DOK5: variants seen among roughly 807,000 people sequenced by gnomAD.
DOK5 encodes downstream of tyrosine kinase 5.
In DOK5, 27 loss-of-function variants were observed where a neutral mutation model predicts 43.3. The ratio of observed to expected loss-of-function variants is 0.62; its 90% CI spans 0.46 to 0.86. The LOEUF is 0.86. DOK5 is among the 40% of genes least tolerant of loss of function. The pLI is 0.00. For missense variants in DOK5, 373 were observed against 392.9 expected, an observed-to-expected ratio of 0.95 and a Z score of 0.43; for synonymous variants, 146 against 140.1, an observed-to-expected ratio of 1.04 and a Z score of -0.30.
At chr20:54,550,154 T>A (rs141941441) in intron 1 of DOK5, among the ~76,000 whole-genome samples, 193 of 148,234 alleles carry the variant, frequency 1.3e-3, no homozygotes, top group African/African-American at 4.7e-3. Flanking sequence ...CTCACTCTGG[T>A]CGTTAATTAG....
intron 7 of DOK5, among the ~76,000 whole-genome samples, chr20:54,646,954 G>A (rs931549910): frequency 6.6e-6 from 1 of 151,494 alleles, no homozygotes; most frequent in Non-Finnish European, 1.5e-5. Flanking sequence ...GACCCTTAAG[G>A]AGGAATTTAA....
Position 54,623,460 on chromosome 20 carries a change from A to G in DOK5, c.735+12937A>G, listed in dbSNP as rs143612753. On this transcript the variant is annotated intron_variant, in intron 6 of 7. Transcript: ENST00000262593. ...TCACATCATATGTAATAAGTGGGTGATACTAATGTCTCTGCCTGGTTTTGT... is the reference window on the plus strand; with the variant it reads ...TCACATCATATGTAATAAGTGGGTGGTACTAATGTCTCTGCCTGGTTTTGT... Among the ~76,000 whole-genome samples the G allele has an allele frequency of 3.4e-3, 523 of 152,220 alleles. 3 individuals are homozygous for G. Among genetic ancestry groups the G allele is most frequent in the African/African-American group, 0.012 (490 of 41,524 alleles).
intron 2 of DOK5, among the ~76,000 whole-genome samples, chr20:54,577,703 A>AG (rs1476868160): frequency 6.6e-6 from 1 of 152,206 alleles, no homozygotes; most frequent in Non-Finnish European, 1.5e-5. Flanking sequence ...TTGTTACATG[A>AG]GGGGTCTGGA....
chr20:54,543,806 A>T (rs888749706), intron 1 of DOK5, among the ~76,000 whole-genome samples: 1 of 152,200 alleles, frequency 6.6e-6, no homozygotes, highest in South Asian at 2.1e-4. Flanking sequence ...ATTATTTTAC[A>T]ATATCATTTC....
At chr20:54,519,674 T>C (rs1469811686) in intron 1 of DOK5, among the ~76,000 whole-genome samples, 5 of 152,206 alleles carry the variant, frequency 3.3e-5, no homozygotes, top group Non-Finnish European at 7.3e-5. Context: ...AATATCATTA[T>C]CTTATGATTC....
At chr20:54,548,771 G>A (rs1034912643) in intron 1 of DOK5, among the ~76,000 whole-genome samples, 5 of 152,126 alleles carry the variant, frequency 3.3e-5, no homozygotes, top group African/African-American at 1.2e-4. Flanking sequence ...GTCATTCTTT[G>A]AAACAATGCC....
At chr20:54,506,843 T>C (rs1179969616) in intron 1 of DOK5, among the ~76,000 whole-genome samples, 1 of 152,156 alleles carries the variant, frequency 6.6e-6, no homozygotes, top group Non-Finnish European at 1.5e-5. Flanking sequence ...CATGGGGAGA[T>C]AGAGAAACAC....
intron 7 of DOK5, among the ~76,000 whole-genome samples, chr20:54,646,741 A>G (rs1196513328): frequency 6.6e-6 from 1 of 152,174 alleles, no homozygotes; most frequent in East Asian, 1.9e-4. Context: ...ACCCCTTAGA[A>G]AAAGGAAATA....
intron 5 of DOK5, among the ~76,000 whole-genome samples, chr20:54,604,445 T>C (rs1986401713): frequency 6.6e-6 from 1 of 152,100 alleles, no homozygotes; most frequent in African/African-American, 2.4e-5. Flanking sequence ...CCTTTTTTAA[T>C]TGCCGCATCA....
chr20:54,549,671 G>A (rs988904284), intron 1 of DOK5, among the ~76,000 whole-genome samples: 2 of 152,142 alleles, frequency 1.3e-5, no homozygotes, highest in African/African-American at 4.8e-5. Context: ...TGAAGAAAAT[G>A]AACACATTTT....
intron 1 of DOK5, among the ~76,000 whole-genome samples, chr20:54,526,765 A>G (rs1312546951): frequency 3.3e-5 from 5 of 152,142 alleles, no homozygotes; most frequent in African/African-American, 1.2e-4. Flanking sequence ...ACTCCCGGAG[A>G]AAAGAGTAGG....
chr20:54,647,102 A>G (rs770476715), intron 7 of DOK5, among the ~76,000 whole-genome samples: 4 of 152,278 alleles, frequency 2.6e-5, no homozygotes, highest in East Asian at 1.9e-4. Context: ...CGTGCCACAC[A>G]AGACATACCT....
chr20:54,523,699 G>T lies in DOK5; in HGVS notation c.67-31234G>T, dbSNP rs796328231. ...CGGCTCACTGCAACCTCCATCTCCT[G>T]GGTTCAAGCAATTCTCCTGCCTCAG... On this transcript the variant is annotated intron_variant, in intron 1 of 7. Transcript: ENST00000262593. Among the ~76,000 whole-genome samples the T allele has an allele frequency of 8.5e-5, 13 of 152,086 alleles. 1 individual carries two copies. The highest frequency in any genetic ancestry group is 3.1e-4 in the African/African-American group (13 of 41,488).
At chr20:54,506,157 T>C (rs564906293) in intron 1 of DOK5, among the ~76,000 whole-genome samples, 62 of 152,110 alleles carry the variant, frequency 4.1e-4, no homozygotes, top group Non-Finnish European at 8.2e-4. Context: ...CTGACAGATT[T>C]GGAGTGCATC....
rs149025180 is a variant in DOK5, at chr20:54,523,814, G to T, written c.67-31119G>T. 5.0e-3 allele frequency among the ~76,000 whole-genome samples: 757 copies of T among 152,044 alleles called. 6 individuals carry two copies. Among genetic ancestry groups the T allele is most frequent in the African/African-American group, 0.017 (724 of 41,500 alleles). On this transcript the variant is annotated intron_variant, in intron 1 of 7. Transcript: ENST00000262593. ...GTTGGGGTTTCACCATGTTGGTCAG[G>T]CTGGTCTCAAACTTCTGACCTCAGG...
At chr20:54,521,128 T>C (rs1983378754) in intron 1 of DOK5, among the ~76,000 whole-genome samples, 1 of 152,066 alleles carries the variant, frequency 6.6e-6, no homozygotes, top group Admixed American at 6.6e-5. Flanking sequence ...CCTCTCTCCC[T>C]CATGGCACTT....
chr20:54,554,130 C>T (rs1984631163), intron 1 of DOK5, among the ~76,000 whole-genome samples: 1 of 152,032 alleles, frequency 6.6e-6, no homozygotes, highest in East Asian at 1.9e-4. Flanking sequence ...TTAAAAGTTG[C>T]AGTGATGTTG....
intron 4 of DOK5, 95 bp downstream of exon 4, chr20:54,588,901 G>T: frequency 8.2e-7 from 1 of 1,224,108 alleles, no homozygotes; most frequent in Non-Finnish European, 1.1e-6. Context: ...AGTTTTTGGG[G>T]TATAAAAATG....
chr20:54,555,896 T>A (rs1009655989), intron 2 of DOK5, among the ~76,000 whole-genome samples: 1 of 152,238 alleles, frequency 6.6e-6, no homozygotes, highest in Non-Finnish European at 1.5e-5. Flanking sequence ...GCGAAACCAG[T>A]TGATCTATTA....
Sources: allele counts gnomAD v4.1 joint callset (sites outside exome capture counted in the v4.1 genomes callset), GRCh38; gene constraint gnomAD v4.1.1; transcripts MANE v1.5; gene names NCBI Gene and HGNC (gene_info 2026-07-23, HGNC 2026-07-21).